The following TBC1D1 variants were observed in gnomAD, a reference collection of about 807,000 sequenced individuals.
The protein encoded by TBC1D1 is TBC1 domain family member 1, also known as TBC1 (tre-2/USP6, BUB2, cdc16) domain family, member 1.
A neutral mutation model predicts 125.6 loss-of-function variants in TBC1D1; 89 were observed. The observed-to-expected ratio is 0.71, with a 90% CI of 0.60 to 0.85. The LOEUF (loss-of-function observed/expected upper bound fraction) is 0.85. TBC1D1 is among the 40% of genes least tolerant of loss of function. The pLI is 0.00. For synonymous variants in TBC1D1, 565 were observed against 564.1 expected (o/e 1.00, Z -0.02); for missense variants, 1,377 against 1,469.2 (o/e 0.94, Z 1.03).
intron 12 of TBC1D1, among the ~76,000 whole-genome samples, chr4:38,083,864 G>C (rs1465976971): frequency 6.6e-6 from 1 of 151,400 alleles, no homozygotes; most frequent in Admixed American, 6.6e-5. Flanking sequence ...ATTCATACTT[G>C]GATTTCTAGC....
chr4:38,010,228 C>G (rs1741182375), intron 2 of TBC1D1, among the ~76,000 whole-genome samples: 1 of 152,200 alleles, frequency 6.6e-6, no homozygotes, highest in African/African-American at 2.4e-5. Flanking sequence ...TGAGCCAAAG[C>G]TCCAGCCAGC....
chr4:38,120,229 G>A (rs1763631932), intron 17 of TBC1D1: 3 of 608,236 alleles, frequency 4.9e-6, no homozygotes, highest in Non-Finnish European at 4.1e-6. Context: ...GCTGTGCTAA[G>A]TGGGTCGTTG....
At chr4:38,047,772 G>T (rs1292588857) in intron 10 of TBC1D1, among the ~76,000 whole-genome samples, 1 of 152,190 alleles carries the variant, frequency 6.6e-6, no homozygotes, top group African/African-American at 2.4e-5. Flanking sequence ...AAGGTGAGGG[G>T]TGAGGGGGCA....
At chr4:37,932,732 C>A (rs893640341) in intron 2 of TBC1D1, among the ~76,000 whole-genome samples, 2 of 152,154 alleles carry the variant, frequency 1.3e-5, no homozygotes, top group African/African-American at 4.8e-5. Flanking sequence ...TCCCAAACAA[C>A]TTCCACATAA....
intron 12 of TBC1D1, among the ~76,000 whole-genome samples, chr4:38,059,674 C>G (rs1029587577): frequency 3.9e-5 from 6 of 152,168 alleles, no homozygotes; most frequent in Admixed American, 3.9e-4. Flanking sequence ...GTGGCGTTAG[C>G]GAAGCTACTG....
intron 12 of TBC1D1, among the ~76,000 whole-genome samples, chr4:38,082,217 GCGGGGTGGCGAAGGT>G (rs1756690000): frequency 6.6e-6 from 1 of 152,154 alleles, no homozygotes; most frequent in African/African-American, 2.4e-5. Flanking sequence ...GAAAATAAGG[GCGGGGTGGCGAAGGT>G]CGCCACTGTG....
intron 1 of TBC1D1, among the ~76,000 whole-genome samples, chr4:37,900,407 CT>C (rs10612576): frequency 0.18 from 24,701 of 140,510 alleles, 2,107 homozygotes; most frequent in Middle Eastern, 0.21. Context: ...AAGGAAATAT[CT>C]TTTTTTTTTT....
Position 38,036,725 on chromosome 4 carries a change from C to T in TBC1D1, c.1413+1027C>T, listed in dbSNP as rs371811697. Among the ~76,000 whole-genome samples the T allele has an allele frequency of 7.9e-5, 12 of 152,200 alleles. No individual in the cohort carries two copies. The East Asian group carries it at 1.5e-3, about 20-fold the overall frequency. On this transcript the variant is annotated intron_variant, in intron 8 of 19. Transcript: ENST00000261439. ...TTCCCTGAACACTTGGGCTGGTGTACAGTGTCAGCCACGGTTTCTAATCTC... is the reference window on the plus strand; with the variant it reads ...TTCCCTGAACACTTGGGCTGGTGTATAGTGTCAGCCACGGTTTCTAATCTC...
intron 15 of TBC1D1, among the ~76,000 whole-genome samples, chr4:38,106,376 G>T (rs572309735): frequency 1.3e-5 from 2 of 152,204 alleles, no homozygotes; most frequent in East Asian, 1.9e-4. Flanking sequence ...CCCTCTGAGC[G>T]CAGGAGGCCC....
intron 2 of TBC1D1, among the ~76,000 whole-genome samples, chr4:38,010,436 C>T (rs1381666539): frequency 6.6e-6 from 1 of 152,146 alleles, no homozygotes; most frequent in Non-Finnish European, 1.5e-5. Flanking sequence ...CTTTACTTTC[C>T]CTCCCGGATG....
intron 8 of TBC1D1, 87 bp downstream of exon 8, chr4:38,035,785 G>A: frequency 1.0e-6 from 1 of 972,424 alleles, no homozygotes; most frequent in Non-Finnish European, 1.6e-6. Context: ...CTGAAACTCT[G>A]ATACCTTTTT....
intron 8 of TBC1D1, among the ~76,000 whole-genome samples, chr4:38,036,225 T>C (rs1312307199): frequency 6.6e-6 from 1 of 152,212 alleles, no homozygotes; most frequent in Non-Finnish European, 1.5e-5. Flanking sequence ...TCCTCCACTG[T>C]CTACAGCCTT....
intron 12 of TBC1D1, among the ~76,000 whole-genome samples, chr4:38,082,420 A>G (rs1408595301): frequency 6.6e-6 from 1 of 152,210 alleles, no homozygotes; most frequent in Admixed American, 6.5e-5. Context: ...TGGTAATAGG[A>G]TAGGGCAAAC....
intron 12 of TBC1D1, chr4:38,060,585 C>G: frequency 4.7e-6 from 6 of 1,282,334 alleles, no homozygotes; most frequent in Non-Finnish European, 5.1e-6. Context: ...GGTAAGGATG[C>G]TTACGTCTGT....
intron 11 of TBC1D1, among the ~76,000 whole-genome samples, chr4:38,051,438 A>AT (rs1234033490): frequency 6.6e-6 from 1 of 152,080 alleles, no homozygotes; most frequent in East Asian, 1.9e-4. Flanking sequence ...TTAATTAAAA[A>AT]TTTTTTTTCC....
At chr4:37,993,267 A>G (rs1258804598) in intron 2 of TBC1D1, among the ~76,000 whole-genome samples, 1 of 152,306 alleles carries the variant, frequency 6.6e-6, no homozygotes, top group East Asian at 1.9e-4. Flanking sequence ...ACTATGAAGA[A>G]TCTTTTTTAA....
At chr4:37,913,770 G>A (rs1719133714) in intron 2 of TBC1D1, among the ~76,000 whole-genome samples, 1 of 147,516 alleles carries the variant, frequency 6.8e-6, no homozygotes, top group Non-Finnish European at 1.5e-5. Context: ...AGTTATAGTG[G>A]CTACCTTCAC....
chr4:37,993,642 C>T lies in TBC1D1; in HGVS notation c.418-20867C>T, dbSNP rs1415804247. ...TGTTGCCCAGGCTGGAATGCAGTGG[C>T]GCAATCTCAACTCACTGCAACCTCC... On this transcript the variant is annotated intron_variant, in intron 2 of 19. Transcript: ENST00000261439. Among the ~76,000 whole-genome samples, 5 of 152,148 alleles carry T rather than the reference C, an allele frequency of 3.3e-5. No homozygotes were observed. In the South Asian group the frequency reaches 6.2e-4, roughly 19 times the overall value.
chr4:38,039,723 T>A (rs1747977290), intron 8 of TBC1D1, among the ~76,000 whole-genome samples: 1 of 152,214 alleles, frequency 6.6e-6, no homozygotes, highest in South Asian at 2.1e-4. Context: ...AATACTTGAA[T>A]CCAAACTTTC....
Sources: gnomAD v4.1 joint callset for allele counts (sites outside exome capture counted in the v4.1 genomes callset) on GRCh38, gnomAD v4.1.1 for gene constraint, MANE v1.5 for transcripts, NCBI Gene and HGNC (gene_info 2026-07-23, HGNC 2026-07-21) for gene names.